Variants in SRPK1 observed in about 807,000 individuals in gnomAD.
SRPK1 encodes the protein SRSF protein kinase 1.
In SRPK1, 52 loss-of-function variants were observed where a neutral mutation model predicts 89.5. The observed-to-expected ratio is 0.58, with a 90% CI of 0.46 to 0.73. The LOEUF (loss-of-function observed/expected upper bound fraction) is 0.73. Among genes scored for constraint, SRPK1 ranks in the 30% least tolerant of loss-of-function variants. The pLI, the probability that SRPK1 is intolerant of heterozygous loss-of-function variation, is 0.00. For synonymous variants in SRPK1, 255 were observed against 270.2 expected (o/e 0.94, Z 0.55); for missense variants, 603 against 780.6 (o/e 0.77, Z 2.71).
intron 1 of SRPK1, 64 bp downstream of exon 1, chr6:35,920,980 C>T (rs1771225638): frequency 1.5e-5 from 23 of 1,511,688 alleles, no homozygotes; most frequent in Non-Finnish European, 1.9e-5. Flanking sequence ...AAGCTCCCGG[C>T]GCTGACCCGG....
At chr6:35,852,416 G>A (rs1335567027) in intron 13 of SRPK1, among the ~76,000 whole-genome samples, 3 of 152,036 alleles carry the variant, frequency 2.0e-5, no homozygotes, top group Non-Finnish European at 2.9e-5. Flanking sequence ...TCTGTTTAGC[G>A]GAACACTGGC....
chr6:35,894,484 T>C (rs183190850), intron 2 of SRPK1, among the ~76,000 whole-genome samples: 76 of 152,180 alleles, frequency 5.0e-4, no homozygotes, highest in Admixed American at 3.7e-3. Context: ...ATCTGAATAA[T>C]AGAGTTGCAG....
In SRPK1 at chr6:35,876,116, C is replaced by T. The variant is rs536003469; in HGVS notation, c.479-1777G>A. Among the ~76,000 whole-genome samples the T allele has an allele frequency of 7.2e-5, 8 of 111,758 alleles. No homozygotes were observed. In the East Asian group the frequency reaches 1.8e-3, roughly 25 times the overall value. 73.3% of individuals were successfully genotyped at this position (111,758 alleles called of 152,430 possible). A position where few individuals can be genotyped will look rare whatever the true frequency, so the allele number is the denominator to read the frequency against. On this transcript the variant is annotated intron_variant, in intron 6 of 15. Coordinates refer to ENST00000373825, the MANE Select transcript of SRPK1 (RefSeq NM_003137.5). ...AAAAAAAAAAAAAAAAAGGCAATGT[C>T]ATAAATGTTCCAAACTACGTAAGAT...
chr6:35,915,185 C>T (rs984206564), intron 2 of SRPK1, among the ~76,000 whole-genome samples: 1 of 151,944 alleles, frequency 6.6e-6, no homozygotes, highest in African/African-American at 2.4e-5. Context: ...GGGCAGAACG[C>T]GACGTCAGGA....
At chr6:35,915,600 GA>G (rs1375286135) in intron 2 of SRPK1, among the ~76,000 whole-genome samples, 2 of 152,094 alleles carry the variant, frequency 1.3e-5, no homozygotes, top group African/African-American at 4.8e-5. Context: ...GCCCATAGTG[GA>G]ATATTTAATA....
In SRPK1 at chr6:35,860,118, C is replaced by T. The variant is rs1769750244; in HGVS notation, c.1513-2750G>A. ...TGACCTCGTGATCCGCCTGCCTCGG[C>T]CTCCCAAAGTGCTGGGATTACAGGG... On this transcript the variant is annotated intron_variant, in intron 12 of 15. Transcript: ENST00000373825. Among the ~76,000 whole-genome samples, 3 of 152,098 alleles carry T rather than the reference C, an allele frequency of 2.0e-5. No homozygotes were observed. The South Asian group carries it at 6.2e-4, about 31-fold the overall frequency.
chr6:35,888,073 G>A lies in SRPK1; in HGVS notation c.341C>T (p.Ala114Val). The A allele has an allele frequency of 1.9e-6, 3 of 1,607,640 alleles. No individual in the cohort carries two copies. Among genetic ancestry groups the A allele is most frequent in the Non-Finnish European group, 2.5e-6 (3 of 1,178,198 alleles). The change falls in exon 5 of 16, where the codon GCT becomes GTT. Residue 114 changes from alanine (A) to valine (V), a missense_variant. Transcript: ENST00000373825. Reference sequence around the variant, plus strand: ...TAGTGCTGTTTCAGTGTAATGTTCAGCACTTTTAACTACTTTCATTGCCAC... The same window carrying A: ...TAGTGCTGTTTCAGTGTAATGTTCAACACTTTTAACTACTTTCATTGCCAC... ...KFVAMKVVKSAEHYTETALDE... is the reference protein window; with the variant it reads ...KFVAMKVVKSVEHYTETALDE...
At chr6:35,913,173 T>C (rs1437982419) in intron 2 of SRPK1, among the ~76,000 whole-genome samples, 1 of 152,224 alleles carries the variant, frequency 6.6e-6, no homozygotes, top group Non-Finnish European at 1.5e-5. Flanking sequence ...AAAATGGTAA[T>C]TTGTCAAGCC....
chr6:35,894,654 G>A (rs561615345), intron 2 of SRPK1, among the ~76,000 whole-genome samples: 16 of 152,032 alleles, frequency 1.1e-4, no homozygotes, highest in African/African-American at 3.6e-4. Flanking sequence ...AAGCTAGAAG[G>A]GCAGTAATTA....
intron 12 of SRPK1, among the ~76,000 whole-genome samples, chr6:35,867,284 C>T (rs77178619): frequency 6.6e-6 from 1 of 152,142 alleles, no homozygotes; most frequent in African/African-American, 2.4e-5. Context: ...GTGACCTGGA[C>T]CAGATGATAG....
chr6:35,849,452 A>G (rs1192595005), intron 13 of SRPK1, among the ~76,000 whole-genome samples: 2 of 152,170 alleles, frequency 1.3e-5, no homozygotes, highest in Non-Finnish European at 2.9e-5. Context: ...ATCTAAAAAT[A>G]GAGTTACCAT....
Position 35,866,249 on chromosome 6 carries a change from C to T in SRPK1, c.1512+2761G>A, listed in dbSNP as rs965872948. 2.0e-5 allele frequency among the ~76,000 whole-genome samples: 3 copies of T among 152,040 alleles called. No homozygotes were observed. The East Asian group carries it at 5.8e-4, about 29-fold the overall frequency. ...GGATGTGGAGAAAAGGGACTTCTTA[C>T]ACACTCTTGGTGGGAATGAAAATCA... On this transcript the variant is annotated intron_variant, in intron 12 of 15. Coordinates refer to ENST00000373825, the MANE Select transcript of SRPK1 (RefSeq NM_003137.5).
At chr6:35,870,593 C>A in intron 9 of SRPK1, 99 bp from the exon 10 acceptor site, 1 of 1,141,470 alleles carries the variant, frequency 8.8e-7, no homozygotes, top group Non-Finnish European at 1.2e-6. Context: ...AATTAAATTT[C>A]ACAAATCTTT....
intron 6 of SRPK1, among the ~76,000 whole-genome samples, chr6:35,875,171 T>C (rs935774642): frequency 7.2e-5 from 11 of 151,980 alleles, no homozygotes; most frequent in African/African-American, 2.7e-4. Flanking sequence ...TGGAACACCT[T>C]GCTGTTCTAA....
chr6:35,886,937 T>A (rs539122059), intron 5 of SRPK1, 126 bp from the exon 6 acceptor site: 146 of 600,112 alleles, frequency 2.4e-4, no homozygotes, highest in African/African-American at 2.1e-3. Flanking sequence ...TTTTAAAATA[T>A]ACTAAAATTT....
At chr6:35,911,436 C>T (rs978510742) in intron 2 of SRPK1, among the ~76,000 whole-genome samples, 2 of 151,836 alleles carry the variant, frequency 1.3e-5, no homozygotes, top group Non-Finnish European at 2.9e-5. Flanking sequence ...GTTACTTGGC[C>T]GGGCGTGGTG....
chr6:35,918,176 A>G (rs1486944531), intron 2 of SRPK1, among the ~76,000 whole-genome samples: 1 of 151,756 alleles, frequency 6.6e-6, no homozygotes, highest in Non-Finnish European at 1.5e-5. Flanking sequence ...CAAACAAAAG[A>G]AAAGAAAGAC....
At chr6:35,866,928 CAT>C (rs1769916956) in intron 12 of SRPK1, among the ~76,000 whole-genome samples, 1 of 152,188 alleles carries the variant, frequency 6.6e-6, no homozygotes, top group Non-Finnish European at 1.5e-5. Flanking sequence ...GTAAATACCA[CAT>C]GTTCTCACTT....
rs1770263877 is a variant in SRPK1 at position 35,880,746 on chromosome 6, A to AAAAAAAAAAAAAGAAAGAAAG, written c.478+5977_478+5978insCTTTCTTTCTTTTTTTTTTTT. 6.2e-4 allele frequency among the ~76,000 whole-genome samples: 55 copies of AAAAAAAAAAAAAGAAAGAAAG among 89,194 alleles called. 5 individuals are homozygous for AAAAAAAAAAAAAGAAAGAAAG. Among genetic ancestry groups the AAAAAAAAAAAAAGAAAGAAAG allele is most frequent in the South Asian group, 9.4e-4 (2 of 2,134 alleles). The allele number at this position is 89,194 out of a possible 152,430, so 58.5% of individuals were successfully genotyped here. ...AAAAAAAAAAAAAAGAAAAAAAAAA[A>AAAAAAAAAAAAAGAAAGAAAG]AAAAGAAAAGAAAAGAAGAAGAAAT... On this transcript the variant is annotated intron_variant, in intron 6 of 15. Transcript: ENST00000373825.
Sources: gnomAD v4.1 joint callset for allele counts (sites outside exome capture counted in the v4.1 genomes callset) on GRCh38, gnomAD v4.1.1 for gene constraint, MANE v1.5 for transcripts, NCBI Gene and HGNC (gene_info 2026-07-23, HGNC 2026-07-21) for gene names.